The following CACUL1 variants were observed in gnomAD, a reference collection of about 807,000 sequenced individuals.
The protein encoded by CACUL1 is CDK2-associated and cullin domain-containing protein 1.
CACUL1 carries 13 observed loss-of-function variants against 45.2 expected under a neutral mutation model. The observed-to-expected ratio is 0.29, with a 90% CI of 0.19 to 0.46. The LOEUF is 0.46. CACUL1 is among the 20% of genes least tolerant of loss of function. The probability of loss-of-function intolerance (pLI) is 1.00; values close to 1 mark genes in which losing one functional copy is unlikely to be tolerated. For missense variants in CACUL1, 421 were observed against 471.4 expected (o/e 0.89, Z 0.99); for synonymous variants, 197 against 174.2 (o/e 1.13, Z -1.03).
At position 118,754,436 on chromosome 10, in the gene CACUL1, G is replaced by C; in HGVS notation, c.327C>G (p.Ala109=). ...AGGTGTTGATGTTGATGGTGGAGCTGGCGGTGGGGGCGGGGGCCGCCTTGG... is the reference window on the plus strand; with the variant it reads ...AGGTGTTGATGTTGATGGTGGAGCTCGCGGTGGGGGCGGGGGCCGCCTTGG... ...AVAKAAPAPT[A]SSTININTST... Residue 109 remains alanine (A), a synonymous_variant, in exon 1 of 9, where the codon GCC becomes GCG. Transcript: ENST00000369151. 6.3e-7 allele frequency: 1 copy of C among 1,590,436 alleles called. No homozygotes were observed. The highest frequency in any genetic ancestry group is 8.5e-7 in the Non-Finnish European group (1 of 1,170,250).
At chr10:118,708,693 T>C (rs982194945) in intron 3 of CACUL1, among the ~76,000 whole-genome samples, 2 of 152,132 alleles carry the variant, frequency 1.3e-5, no homozygotes, top group Non-Finnish European at 2.9e-5. Context: ...ATAGGATTAG[T>C]GTCCCTAGAT....
In CACUL1 at chr10:118,695,072, G is replaced by A. The variant is rs536051138; in HGVS notation, c.886+69C>T. 105 of 961,718 alleles carry A rather than the reference G, an allele frequency of 1.1e-4. No homozygotes were observed. The African/African-American group carries it at 1.6e-3, about 14-fold the overall frequency. 59.6% of individuals were successfully genotyped at this position (961,718 alleles called of 1,614,324 possible). On this transcript the variant is annotated intron_variant, in intron 6 of 8. Transcript: ENST00000369151. Reference sequence around the variant, plus strand: ...CATTAAGCCTCACAAAACACATACAGAACCACTGCCCTCTTGGAAAAGGCT... The same window carrying A: ...CATTAAGCCTCACAAAACACATACAAAACCACTGCCCTCTTGGAAAAGGCT...
intron 1 of CACUL1, among the ~76,000 whole-genome samples, chr10:118,736,264 A>G (rs1845740022): frequency 6.6e-6 from 1 of 151,898 alleles, no homozygotes; most frequent in South Asian, 2.1e-4. Context: ...ATATTTTTGT[A>G]TAGTTGTACT....
At chr10:118,696,513 A>C (rs930002574) in intron 5 of CACUL1, among the ~76,000 whole-genome samples, 5 of 152,176 alleles carry the variant, frequency 3.3e-5, no homozygotes, top group Admixed American at 2.6e-4. Context: ...GCGTGGCGGC[A>C]GGCGCCTGTA....
At chr10:118,740,574 C>T (rs1845782420) in intron 1 of CACUL1, among the ~76,000 whole-genome samples, 1 of 152,112 alleles carries the variant, frequency 6.6e-6, no homozygotes, top group Non-Finnish European at 1.5e-5. Flanking sequence ...CACGCCACTG[C>T]ACTCCAGCCT....
chr10:118,700,121 GA>G (rs577928532), intron 5 of CACUL1, among the ~76,000 whole-genome samples: 25 of 144,758 alleles, frequency 1.7e-4, no homozygotes, highest in African/African-American at 2.5e-4. Context: ...CATCAAAAAT[GA>G]AAAAAAAAAA....
intron 4 of CACUL1, among the ~76,000 whole-genome samples, chr10:118,702,635 G>A (rs1387220466): frequency 6.7e-6 from 1 of 149,378 alleles, no homozygotes; most frequent in Admixed American, 6.7e-5. Flanking sequence ...AGGCTGGAGT[G>A]CAATGGCACG....
Position 118,682,663 on chromosome 10 carries a change from G to T in CACUL1, c.*3465C>A, listed in dbSNP as rs1218772395. 1 of 152,666 alleles carries T rather than the reference G, an allele frequency of 6.6e-6. No homozygotes were observed. The highest frequency in any genetic ancestry group is 6.5e-5 in the Admixed American group (1 of 15,292). 9.5% of individuals were successfully genotyped at this position (152,666 alleles called of 1,614,324 possible). On this transcript the variant is annotated 3_prime_UTR_variant, in exon 9 of 9. Transcript: ENST00000369151. ...TTTGGTCAGTACAGAATATTGCGAGGTGATGCTCATGCAAACTCTTCCTGA... is the reference window on the plus strand; with the variant it reads ...TTTGGTCAGTACAGAATATTGCGAGTTGATGCTCATGCAAACTCTTCCTGA...
chr10:118,740,409 A>G (rs1845781134), intron 1 of CACUL1, among the ~76,000 whole-genome samples: 1 of 152,078 alleles, frequency 6.6e-6, no homozygotes, highest in South Asian at 2.1e-4. Context: ...CAGGAGTTCA[A>G]GACCAGCCTG....
intron 3 of CACUL1, chr10:118,729,051 T>C: frequency 2.6e-6 from 1 of 378,692 alleles, no homozygotes; most frequent in Admixed American, 4.7e-5. Flanking sequence ...GTTGACATGA[T>C]AATCAATAGA....
intron 4 of CACUL1, among the ~76,000 whole-genome samples, 171 bp downstream of exon 4, chr10:118,707,321 A>G (rs1845441582): frequency 6.6e-6 from 1 of 152,248 alleles, no homozygotes; most frequent in Non-Finnish European, 1.5e-5. Flanking sequence ...AGGGGAAATA[A>G]TTAAAGTTCT....
chr10:118,688,655 T>C (rs1021115994), intron 7 of CACUL1, among the ~76,000 whole-genome samples: 1 of 152,174 alleles, frequency 6.6e-6, no homozygotes, highest in African/African-American at 2.4e-5. Flanking sequence ...CCTATGTTCT[T>C]ACCTTGGTTA....
intron 3 of CACUL1, among the ~76,000 whole-genome samples, chr10:118,718,425 CCT>C (rs1242365397): frequency 6.6e-6 from 1 of 152,004 alleles, no homozygotes; most frequent in Non-Finnish European, 1.5e-5. Flanking sequence ...TTGTCTACAC[CCT>C]GTTTTGATTA....
chr10:118,703,878 A>C (rs1845408240), intron 4 of CACUL1, among the ~76,000 whole-genome samples: 1 of 152,156 alleles, frequency 6.6e-6, no homozygotes, highest in Admixed American at 6.5e-5. Context: ...CCATTTTTCA[A>C]CAGAAATTTA....
intron 3 of CACUL1, among the ~76,000 whole-genome samples, chr10:118,715,985 C>A (rs1255684405): frequency 6.6e-6 from 1 of 152,062 alleles, no homozygotes; most frequent in East Asian, 1.9e-4. Flanking sequence ...ACCTGTAATC[C>A]CAGCACTTTG....
rs1845138966 is a variant in CACUL1 at position 118,680,085 on chromosome 10, A to C, written c.*6043T>G. Reference sequence around the variant, plus strand: ...AACAGATTAAAAAAAAAACCTACTCAAGACTACAGCTAGTTAAGCTAGTTG... The same window carrying C: ...AACAGATTAAAAAAAAAACCTACTCCAGACTACAGCTAGTTAAGCTAGTTG... On this transcript the variant is annotated 3_prime_UTR_variant, in exon 9 of 9. Transcript: ENST00000369151. 1 of 152,196 alleles carries C rather than the reference A, an allele frequency of 6.6e-6. No individual in the cohort carries two copies. The highest frequency in any genetic ancestry group is 6.5e-5 in the Admixed American group (1 of 15,280). The allele number at this position is 152,196 out of a possible 1,614,324, so 9.4% of individuals were successfully genotyped here.
At chr10:118,707,452 C>T in intron 4 of CACUL1, 40 bp downstream of exon 4, 2 of 929,086 alleles carry the variant, frequency 2.2e-6, no homozygotes, top group South Asian at 1.3e-5. Flanking sequence ...CTCAACAATA[C>T]ACCTAGGTAT....
chr10:118,738,414 C>T (rs1845759816), intron 1 of CACUL1, among the ~76,000 whole-genome samples: 1 of 152,092 alleles, frequency 6.6e-6, no homozygotes, highest in Admixed American at 6.5e-5. Flanking sequence ...CATCTAGACC[C>T]ACTCCTTTCA....
intron 1 of CACUL1, among the ~76,000 whole-genome samples, chr10:118,741,387 G>T (rs1286218258): frequency 6.6e-6 from 1 of 152,030 alleles, no homozygotes; most frequent in Non-Finnish European, 1.5e-5. Context: ...CACAGGAAAT[G>T]AGAAAATGCA....
Sources: allele counts gnomAD v4.1 joint callset (sites outside exome capture counted in the v4.1 genomes callset), GRCh38; gene constraint gnomAD v4.1.1; transcripts MANE v1.5; gene names NCBI Gene and HGNC (gene_info 2026-07-23, HGNC 2026-07-21).